RBFOX1: variants seen among roughly 807,000 people sequenced by gnomAD.
RBFOX1 encodes RNA binding fox-1 homolog 1.
Under a neutral mutation model 57.7 loss-of-function variants are expected in RBFOX1, and 8 were observed. The ratio of observed to expected loss-of-function variants is 0.14; its 90% CI spans 0.08 to 0.25. The LOEUF (loss-of-function observed/expected upper bound fraction) is 0.25, where lower values mean the gene tolerates loss of function less well. Ranked by LOEUF, RBFOX1 falls within the 10% of genes least tolerant of loss-of-function variation. The pLI is 1.00. For missense variants in RBFOX1, 611 were observed against 548.5 expected, an observed-to-expected ratio of 1.11 and a Z score of -1.14; for synonymous variants, 326 against 222.4, an observed-to-expected ratio of 1.47 and a Z score of -4.15.
intron 4 of RBFOX1, among the ~76,000 whole-genome samples, chr16:7,408,655 G>A (rs112657716): frequency 1.2e-4 from 19 of 152,218 alleles, no homozygotes; most frequent in African/African-American, 4.3e-4. Flanking sequence ...CCTACAGCAC[G>A]TTTCTCCACC....
chr16:7,710,598 C>A, intron 15 of RBFOX1, 25 bp from the exon 16 acceptor site: 1 of 1,609,906 alleles, frequency 6.2e-7, no homozygotes, highest in Non-Finnish European at 8.5e-7. Context: ...GTAAAAAACA[C>A]ACCCCTCAAA....
intron 2 of RBFOX1, among the ~76,000 whole-genome samples, chr16:6,411,854 C>G (rs1368300170): frequency 6.6e-6 from 1 of 151,850 alleles, no homozygotes; most frequent in Admixed American, 6.6e-5. Context: ...TGGCCCTTGG[C>G]CAGGTGTGGT....
At chr16:5,344,736 A>G (rs1388253717) in intron 1 of RBFOX1, among the ~76,000 whole-genome samples, 1 of 152,178 alleles carries the variant, frequency 6.6e-6, no homozygotes, top group East Asian at 1.9e-4. Flanking sequence ...TTTTTGGTTG[A>G]AAAAAATATA....
At chr16:5,595,468 C>A (rs1290422731) in intron 2 of RBFOX1, among the ~76,000 whole-genome samples, 1 of 152,188 alleles carries the variant, frequency 6.6e-6, no homozygotes, top group Non-Finnish European at 1.5e-5. Flanking sequence ...GGGAGCAGAA[C>A]TTGCAGGGAA....
intron 4 of RBFOX1, among the ~76,000 whole-genome samples, chr16:7,065,692 G>A (rs2055827593): frequency 6.6e-6 from 1 of 152,030 alleles, no homozygotes; most frequent in South Asian, 2.1e-4. Flanking sequence ...AGCAGTTTTG[G>A]GGAATATAAT....
chr16:5,577,223 T>C (rs1311744069), intron 2 of RBFOX1, among the ~76,000 whole-genome samples: 1 of 152,194 alleles, frequency 6.6e-6, no homozygotes, highest in African/African-American at 2.4e-5. Context: ...GTAATTACTT[T>C]TGCAACGATC....
chr16:6,596,058 G>C (rs949966891), intron 2 of RBFOX1, among the ~76,000 whole-genome samples: 3 of 151,980 alleles, frequency 2.0e-5, no homozygotes, highest in Non-Finnish European at 2.9e-5. Flanking sequence ...AAAATATTCT[G>C]TTTCATTCTG....
At chr16:7,062,113 C>T (rs898623152) in intron 4 of RBFOX1, among the ~76,000 whole-genome samples, 3 of 151,660 alleles carry the variant, frequency 2.0e-5, no homozygotes, top group South Asian at 2.1e-4. Context: ...GTCAGGAGAT[C>T]GAGACTATCC....
chr16:7,040,556 T>C (rs748521787), intron 3 of RBFOX1, among the ~76,000 whole-genome samples: 60 of 150,448 alleles, frequency 4.0e-4, no homozygotes, highest in Non-Finnish European at 7.6e-4. Context: ...CCTGCTTCTC[T>C]GTCCCTTCTT....
At chr16:5,777,419 T>A (rs912951143) in intron 3 of RBFOX1, among the ~76,000 whole-genome samples, 1 of 152,204 alleles carries the variant, frequency 6.6e-6, no homozygotes, top group Admixed American at 6.5e-5. Context: ...AAGTCTCTTT[T>A]GCTATAGAAG....
In RBFOX1 at chr16:6,097,852, G is replaced by T. The variant is rs1327814838; in HGVS notation, c.-127+77860G>T. On this transcript the variant is annotated intron_variant, in intron 1 of 15. Transcript: ENST00000550418. This position sits in a 1 kb window ranked among gnomAD's most constrained non-coding sequence, Gnocchi z 5.0. ...GGTGGAGTGGAAGTCCCTTGGAAGT[G>T]GGGGACGTGTCTGATTTGTGCATGG... is the stretch of plus-strand genomic sequence containing the variant. Among the ~76,000 whole-genome samples the T allele has an allele frequency of 6.6e-6, 1 of 151,984 alleles. No individual in the cohort carries two copies. The highest frequency in any genetic ancestry group is 1.5e-5 in the Non-Finnish European group (1 of 68,010).
At chr16:5,310,110 C>A (rs369463418) in intron 1 of RBFOX1, among the ~76,000 whole-genome samples, 1 of 152,078 alleles carries the variant, frequency 6.6e-6, no homozygotes, top group African/African-American at 2.4e-5. Context: ...CTGGCTTGGG[C>A]GGCTGAGTGT....
chr16:7,618,326 C>T (rs1438223361), intron 10 of RBFOX1, among the ~76,000 whole-genome samples: 2 of 152,120 alleles, frequency 1.3e-5, no homozygotes, highest in Admixed American at 1.3e-4. Flanking sequence ...ATAATTAAGA[C>T]TTGTATTATT....
chr16:5,978,696 G>A (rs201938351), intron 4 of RBFOX1, among the ~76,000 whole-genome samples: 2 of 147,544 alleles, frequency 1.4e-5, no homozygotes, highest in Non-Finnish European at 1.5e-5. Context: ...TTTTGTTGTT[G>A]TTGTTTTTTT....
intron 2 of RBFOX1, among the ~76,000 whole-genome samples, chr16:6,385,934 TC>T (rs2092239776): frequency 3.7e-5 from 2 of 54,000 alleles, no homozygotes; most frequent in Non-Finnish European, 9.0e-5. Context: ...TTCTTTTTTT[TC>T]TTTCTTTTTT....
intron 10 of RBFOX1, among the ~76,000 whole-genome samples, chr16:7,618,026 C>T (rs2058737451): frequency 6.6e-6 from 1 of 151,912 alleles, no homozygotes; most frequent in African/African-American, 2.4e-5. Context: ...AATACACATG[C>T]TTGATCTTCA....
At chr16:5,542,921 C>A (rs193071653) in intron 2 of RBFOX1, among the ~76,000 whole-genome samples, 48 of 152,254 alleles carry the variant, frequency 3.2e-4, no homozygotes, top group African/African-American at 1.0e-3. Context: ...TTAGAAGGAC[C>A]AGTACCTGGT....
intron 4 of RBFOX1, among the ~76,000 whole-genome samples, chr16:7,449,876 G>A (rs1282856261): frequency 6.6e-6 from 1 of 152,062 alleles, no homozygotes; most frequent in African/African-American, 2.4e-5. Context: ...AAATGCGAGG[G>A]GCTTGAAGAC....
chr16:6,475,800 G>C (rs2095263139), intron 2 of RBFOX1, among the ~76,000 whole-genome samples: 2 of 152,286 alleles, frequency 1.3e-5, no homozygotes, highest in South Asian at 2.1e-4. Flanking sequence ...TGGTAAAGAA[G>C]TAATATTACT....
Sources: gnomAD v4.1 joint callset for allele counts (sites outside exome capture counted in the v4.1 genomes callset) on GRCh38, gnomAD v4.1.1 for gene constraint, Gnocchi (gnomAD v3.1) non-coding constraint, MANE v1.5 for transcripts, NCBI Gene and HGNC (gene_info 2026-07-23, HGNC 2026-07-21) for gene names.